Variants in PACRGL observed in about 807,000 individuals in gnomAD.
The protein encoded by PACRGL is parkin coregulated like.
PACRGL carries 38 observed loss-of-function variants against 34.5 expected under a neutral mutation model. The observed-to-expected ratio is 1.10, with a 90% CI of 0.85 to 1.44. PACRGL has a LOEUF of 1.44. PACRGL is among the 40% of genes most tolerant of loss of function. PACRGL has a pLI of 0.00. For synonymous variants in PACRGL, 128 were observed against 100.1 expected, an observed-to-expected ratio of 1.28 and a Z score of -1.66; for missense variants, 305 against 281.4, an observed-to-expected ratio of 1.08 and a Z score of -0.60.
At chr4:20,701,758 T>G in intron 1 of PACRGL, 1 of 435,346 alleles carries the variant, frequency 2.3e-6, no homozygotes, top group Admixed American at 2.5e-5. Flanking sequence ...CTCCCCCCAG[T>G]CTCTTTCAGA....
At chr4:20,747,800 G>T (rs1752684517) in intron 8 of PACRGL, among the ~76,000 whole-genome samples, 1 of 152,082 alleles carries the variant, frequency 6.6e-6, no homozygotes, top group African/African-American at 2.4e-5. Flanking sequence ...TGCCTGCCCT[G>T]TTCATCCTGC....
At chr4:20,713,350 C>A in intron 6 of PACRGL, 82 bp from the exon 7 acceptor site, 1 of 1,017,096 alleles carries the variant, frequency 9.8e-7, no homozygotes. Flanking sequence ...ACTTGCTTGC[C>A]CTTTTTTCTA....
chr4:20,735,013 G>C (rs1398319109), downstream of PACRGL, among the ~76,000 whole-genome samples: 2 of 152,164 alleles, frequency 1.3e-5, no homozygotes, highest in Non-Finnish European at 2.9e-5. Flanking sequence ...TTGAGTATAA[G>C]TGGTATTGGC....
rs572468538 is a variant in PACRGL at position 20,700,500 on chromosome 4, T to C, written c.-304T>C. The C allele has an allele frequency of 7.9e-5, 12 of 152,266 alleles. No homozygotes were observed. The highest frequency in any genetic ancestry group is 2.4e-4 in the African/African-American group (10 of 41,550). 9.4% of individuals were successfully genotyped at this position (152,266 alleles called of 1,614,324 possible). ...CGCTCGGTGGCGGTAGCCGCGGTTG[T>C]TGGCCGACCGAGTGCCGGTCATAAG... On this transcript the variant is annotated 5_prime_UTR_variant, in exon 1 of 9. Transcript: ENST00000503585.
At chr4:20,744,627 G>A (rs1053173619) in intron 8 of PACRGL, among the ~76,000 whole-genome samples, 16 of 152,016 alleles carry the variant, frequency 1.1e-4, no homozygotes, top group Admixed American at 2.0e-4. Flanking sequence ...AGGGGTCAGG[G>A]GGATGGGGGA....
rs1307485928 is a variant in PACRGL, at chr4:20,718,834, T to C, written c.609+5295T>C. The C allele has an allele frequency of 2.6e-5, 4 of 152,282 alleles. No homozygotes were observed. The East Asian group carries it at 7.7e-4, about 29-fold the overall frequency. 9.4% of individuals were successfully genotyped at this position (152,282 alleles called of 1,614,324 possible). On this transcript the variant is annotated intron_variant, in intron 7 of 8. Coordinates refer to ENST00000503585, the MANE Select transcript of PACRGL (RefSeq NM_001258345.3). ...CTGCCAGGTTTTGGTATCAGCATGATGCTGGCCTCATAAAATGAGTTAGGG... is the reference window on the plus strand; with the variant it reads ...CTGCCAGGTTTTGGTATCAGCATGACGCTGGCCTCATAAAATGAGTTAGGG...
intron 7 of PACRGL, among the ~76,000 whole-genome samples, chr4:20,718,181 T>A (rs1354291821): frequency 6.6e-6 from 1 of 152,220 alleles, no homozygotes; most frequent in Admixed American, 6.5e-5. Flanking sequence ...ACATTGATTT[T>A]GTATCCTGAG....
At chr4:20,732,841 T>C, downstream of PACRGL, 1 of 1,051,744 alleles carries the variant, frequency 9.5e-7, no homozygotes, top group Non-Finnish European at 1.4e-6. Flanking sequence ...GAAACCAGTC[T>C]AAGAAGCTCT....
upstream of PACRGL, among the ~76,000 whole-genome samples, chr4:20,697,692 T>C (rs750780004): frequency 1.3e-5 from 2 of 152,110 alleles, no homozygotes; most frequent in African/African-American, 2.4e-5. Context: ...ACAACAGAAA[T>C]TGATTTCTCA....
intron 8 of PACRGL, among the ~76,000 whole-genome samples, chr4:20,743,950 A>T (rs1326438414): frequency 6.6e-6 from 1 of 152,224 alleles, no homozygotes; most frequent in Non-Finnish European, 1.5e-5. Context: ...AAAGTGGGCA[A>T]AGGATATGAA....
At position 20,731,902 on chromosome 4, in the gene PACRGL, CA is replaced by C; in HGVS notation, c.*4562del. 1 of 1,517,300 alleles carries C rather than the reference CA, an allele frequency of 6.6e-7. No homozygotes were observed. 94.0% of individuals were successfully genotyped at this position (1,517,300 alleles called of 1,614,324 possible). A position where few individuals can be genotyped will look rare whatever the true frequency, so the allele number is the denominator to read the frequency against. The stretch of plus-strand genomic sequence containing the variant: ...ATGTTGTAGAAGTGGTAAACTTAGG[CA>C]TATGATCTCTATATTTCGCCCAGTT... On this transcript the variant is annotated 3_prime_UTR_variant, in exon 9 of 9. Transcript: ENST00000503585.
At chr4:20,758,782 A>T in the PACRGL span, 1 of 1,485,180 alleles carries the variant, frequency 6.7e-7, no homozygotes, top group Non-Finnish European at 9.4e-7. Context: ...CATAATTGTA[A>T]CTCTGATAGT....
downstream of PACRGL, among the ~76,000 whole-genome samples, chr4:20,757,840 G>A (rs1754611958): frequency 6.6e-6 from 1 of 152,178 alleles, no homozygotes; most frequent in Non-Finnish European, 1.5e-5. Flanking sequence ...CATATTAGAT[G>A]CTTTCTGAAT....
rs186090227 is a variant in PACRGL, at chr4:20,715,631, C to G, written c.609+2092C>G. Among the ~76,000 whole-genome samples the G allele has an allele frequency of 4.9e-3, 741 of 152,154 alleles. 8 individuals carry two copies. The highest frequency in any genetic ancestry group is 7.8e-3 in the Non-Finnish European group (533 of 67,996). The stretch of plus-strand genomic sequence containing the variant: ...ACCTGTAATCCTAACACTTTGGAGG[C>G]TGAGGTGGGTGGATTGCCTGAGCTC... On this transcript the variant is annotated intron_variant, in intron 7 of 8. Transcript: ENST00000503585.
At chr4:20,733,179 C>G (rs78004989), downstream of PACRGL, among the ~76,000 whole-genome samples, 1 of 151,992 alleles carries the variant, frequency 6.6e-6, no homozygotes, top group Non-Finnish European at 1.5e-5. Context: ...TACGGCACAT[C>G]GTATATTGAG....
At chr4:20,707,908 A>G (rs752678513) in intron 4 of PACRGL, 38 bp downstream of exon 4, 3 of 1,401,210 alleles carry the variant, frequency 2.1e-6, no homozygotes, top group Non-Finnish European at 3.0e-6. Flanking sequence ...CAAATTATTC[A>G]AAATCATTGA....
rs551411666 is a variant in PACRGL, at chr4:20,711,514, C to T, written c.367-1274C>T. 2.9e-4 allele frequency among the ~76,000 whole-genome samples: 44 copies of T among 152,204 alleles called. 1 individual carries two copies. In the South Asian group the frequency reaches 8.7e-3, roughly 30 times the overall value. ...CCCATGTGCTTGGCAGGATGGTTTT[C>T]AAAAGCATGACAGCTTCAAGGAAAG... On this transcript the variant is annotated intron_variant, in intron 5 of 8. Coordinates refer to ENST00000503585, the MANE Select transcript of PACRGL (RefSeq NM_001258345.3).
At chr4:20,739,936 A>G (rs189996209) in intron 8 of PACRGL, among the ~76,000 whole-genome samples, 1 of 152,168 alleles carries the variant, frequency 6.6e-6, no homozygotes, top group Admixed American at 6.5e-5. Flanking sequence ...CACAAGAACT[A>G]TCTGATGCAT....
upstream of PACRGL, among the ~76,000 whole-genome samples, chr4:20,697,727 C>T (rs1340572676): frequency 6.6e-6 from 1 of 152,152 alleles, no homozygotes; most frequent in Non-Finnish European, 1.5e-5. Context: ...GGAAAGTCCA[C>T]ATCGAAGTAT....
Sources: allele counts gnomAD v4.1 joint callset (sites outside exome capture counted in the v4.1 genomes callset), GRCh38; gene constraint gnomAD v4.1.1; transcripts MANE v1.5; gene names NCBI Gene and HGNC (gene_info 2026-07-23, HGNC 2026-07-21).